DCAF6: variants seen among roughly 807,000 people sequenced by gnomAD.
DCAF6 encodes the protein DDB1- and CUL4-associated factor 6.
Under a neutral mutation model 125.1 loss-of-function variants are expected in DCAF6, and 54 were observed. The ratio of observed to expected loss-of-function variants is 0.43; its 90% CI spans 0.35 to 0.54. The LOEUF is 0.54. Among genes scored for constraint, DCAF6 ranks in the 20% least tolerant of loss-of-function variants. The pLI is 0.01. For synonymous variants in DCAF6, 371 were observed against 390.4 expected (o/e 0.95, Z 0.58); for missense variants, 934 against 1,161.7 (o/e 0.80, Z 2.85).
intron 1 of DCAF6, among the ~76,000 whole-genome samples, chr1:167,941,033 C>A (rs1672156603): frequency 6.6e-6 from 1 of 152,124 alleles, no homozygotes; most frequent in East Asian, 1.9e-4. Context: ...AATACATCTG[C>A]ATTCTAGATT....
chr1:167,925,496 T>C, the DCAF6 span, among the ~76,000 whole-genome samples: 3 of 138,512 alleles, frequency 2.2e-5, no homozygotes, highest in South Asian at 2.3e-4. Context: ...TACACACACA[T>C]ATATATATAC....
intron 7 of DCAF6, among the ~76,000 whole-genome samples, chr1:167,994,283 T>C (rs1479156603): frequency 6.6e-6 from 1 of 152,150 alleles, no homozygotes; most frequent in Non-Finnish European, 1.5e-5. Flanking sequence ...ACTTTGTAGA[T>C]GTACAGCAGC....
At chr1:168,033,243 A>T (rs1269406659) in intron 12 of DCAF6, among the ~76,000 whole-genome samples, 2 of 150,654 alleles carry the variant, frequency 1.3e-5, no homozygotes, top group East Asian at 2.0e-4. Context: ...CTTATTCTGA[A>T]TTTTTTTTCT....
chr1:167,947,055 C>T (rs1673188676), intron 1 of DCAF6, among the ~76,000 whole-genome samples: 1 of 152,010 alleles, frequency 6.6e-6, no homozygotes, highest in South Asian at 2.1e-4. Context: ...TCTTGCTGCT[C>T]ATTATTGGTC....
chr1:167,985,211 G>T (rs530935220), intron 4 of DCAF6, among the ~76,000 whole-genome samples: 44 of 134,314 alleles, frequency 3.3e-4, no homozygotes, highest in Admixed American at 5.4e-4. Context: ...GTGTGTGTGT[G>T]GTGTGTGTGT....
At chr1:167,867,732 A>T in the DCAF6 span, among the ~76,000 whole-genome samples, 1 of 152,126 alleles carries the variant, frequency 6.6e-6, no homozygotes, top group East Asian at 1.9e-4. Context: ...TGCTTGTGCC[A>T]CTATCAATAG....
chr1:167,887,778 TA>T, the DCAF6 span, among the ~76,000 whole-genome samples: 96 of 143,730 alleles, frequency 6.7e-4, no homozygotes, highest in South Asian at 2.6e-3. Context: ...AAAATAATTC[TA>T]AAAAAAAAAA....
chr1:167,907,302 G>A, the DCAF6 span, among the ~76,000 whole-genome samples: 2 of 152,198 alleles, frequency 1.3e-5, no homozygotes, highest in African/African-American at 4.8e-5. Context: ...TACAGGTTAT[G>A]TTTCATTATC....
chr1:168,064,903 T>C (rs1692133895), intron 18 of DCAF6, among the ~76,000 whole-genome samples: 1 of 152,218 alleles, frequency 6.6e-6, no homozygotes. Flanking sequence ...CCTTTGATTC[T>C]GCTTCATAAA....
chr1:167,959,367 C>T (rs1050106304), intron 2 of DCAF6, among the ~76,000 whole-genome samples: 8 of 152,166 alleles, frequency 5.3e-5, no homozygotes, highest in Non-Finnish European at 7.3e-5. Flanking sequence ...TGTGCACATA[C>T]GTTTACGTTC....
chr1:168,059,303 C>T (rs946456956), intron 17 of DCAF6, among the ~76,000 whole-genome samples: 6 of 152,200 alleles, frequency 3.9e-5, no homozygotes, highest in Admixed American at 3.3e-4. Context: ...TGCTATCCCA[C>T]CTATGTCATA....
At chr1:167,901,025 A>AAG in the DCAF6 span, among the ~76,000 whole-genome samples, 2 of 152,230 alleles carry the variant, frequency 1.3e-5, no homozygotes, top group Admixed American at 6.5e-5. Context: ...TATACCTCTC[A>AAG]GAATCTCATT....
intron 15 of DCAF6, 28 bp downstream of exon 15, chr1:168,044,699 TTGTA>T (rs1208296984): frequency 6.4e-7 from 1 of 1,560,202 alleles, no homozygotes; most frequent in Non-Finnish European, 8.8e-7. Flanking sequence ...GATAATTGCT[TTGTA>T]TGGGAAAATA....
intron 1 of DCAF6, among the ~76,000 whole-genome samples, chr1:167,938,110 CAAT>C (rs1671613480): frequency 6.6e-6 from 1 of 152,110 alleles, no homozygotes; most frequent in Non-Finnish European, 1.5e-5. Context: ...TATAAAAACT[CAAT>C]AAAAATGAAG....
chr1:168,062,340 T>C (rs1691701613), intron 17 of DCAF6, among the ~76,000 whole-genome samples: 1 of 152,158 alleles, frequency 6.6e-6, no homozygotes, highest in African/African-American at 2.4e-5. Flanking sequence ...CTGTTTTGTT[T>C]GCAAAAATTC....
intron 12 of DCAF6, among the ~76,000 whole-genome samples, chr1:168,031,437 G>A (rs945308276): frequency 2.6e-5 from 4 of 152,148 alleles, no homozygotes; most frequent in East Asian, 3.9e-4. Flanking sequence ...GGCAATGTGG[G>A]AGTGATTGAG....
At chr1:168,074,458 C>A (rs1490517692) in intron 21 of DCAF6, among the ~76,000 whole-genome samples, 3 of 152,078 alleles carry the variant, frequency 2.0e-5, no homozygotes, top group South Asian at 2.1e-4. Context: ...ATGTATCTTA[C>A]CTTCATAAAA....
At chr1:167,905,598 T>C in the DCAF6 span, among the ~76,000 whole-genome samples, 1 of 143,840 alleles carries the variant, frequency 7.0e-6, no homozygotes, top group South Asian at 2.1e-4. Flanking sequence ...TTTTCTCTCT[T>C]TAAAAAAAAA....
At chr1:167,986,330 G>A (rs771491194) in intron 4 of DCAF6, among the ~76,000 whole-genome samples, 4 of 152,084 alleles carry the variant, frequency 2.6e-5, no homozygotes, top group Non-Finnish European at 4.4e-5. Flanking sequence ...AATGTGTTCC[G>A]TAACTCCACA....
Sources: allele counts gnomAD v4.1 joint callset (sites outside exome capture counted in the v4.1 genomes callset), GRCh38; gene constraint gnomAD v4.1.1; transcripts MANE v1.5; gene names NCBI Gene and HGNC (gene_info 2026-07-23, HGNC 2026-07-21).